The following GPC5 variants were observed in gnomAD, a reference collection of about 807,000 sequenced individuals.
GPC5 encodes the protein glypican 5.
GPC5 carries 47 observed loss-of-function variants against 53.9 expected under a neutral mutation model. The ratio of observed to expected loss-of-function variants is 0.87; its 90% CI spans 0.69 to 1.11. The LOEUF (loss-of-function observed/expected upper bound fraction) is 1.11. Ranked by LOEUF, GPC5 falls within the 50% of genes most tolerant of loss-of-function variation. The pLI, the probability that GPC5 is intolerant of heterozygous loss-of-function variation, is 0.00. For synonymous variants in GPC5, 286 were observed against 263.3 expected (o/e 1.09, Z -0.84); for missense variants, 748 against 713.1 (o/e 1.05, Z -0.56).
intron 3 of GPC5, among the ~76,000 whole-genome samples, chr13:91,708,356 G>A (rs1250209198): frequency 6.6e-6 from 1 of 151,968 alleles, no homozygotes; most frequent in Non-Finnish European, 1.5e-5. Context: ...CCAGAAAGCT[G>A]ATGCCACCTC....
intron 2 of GPC5, among the ~76,000 whole-genome samples, chr13:91,513,844 C>T (rs1194839944): frequency 6.6e-6 from 1 of 152,154 alleles, no homozygotes; most frequent in African/African-American, 2.4e-5. Flanking sequence ...CCTTGTAATT[C>T]CTGAAAAACA....
At chr13:91,647,402 C>T (rs1050221509) in intron 2 of GPC5, among the ~76,000 whole-genome samples, 3 of 152,142 alleles carry the variant, frequency 2.0e-5, no homozygotes, top group African/African-American at 7.2e-5. Context: ...TTTAATAGAA[C>T]CTTTTAGATT....
At chr13:92,557,353 GA>G (rs1882532125) in intron 7 of GPC5, among the ~76,000 whole-genome samples, 1 of 151,910 alleles carries the variant, frequency 6.6e-6, no homozygotes, top group South Asian at 2.1e-4. Flanking sequence ...AGGAGTTTGG[GA>G]GGAGCACTGG....
chr13:91,745,260 T>C (rs1191572429), intron 4 of GPC5, among the ~76,000 whole-genome samples: 1 of 152,060 alleles, frequency 6.6e-6, no homozygotes, highest in African/African-American at 2.4e-5. Context: ...TGTTTTTTTA[T>C]GGGGACATTA....
chr13:91,973,655 T>C (rs2040266732), intron 6 of GPC5, among the ~76,000 whole-genome samples: 1 of 152,172 alleles, frequency 6.6e-6, no homozygotes, highest in African/African-American at 2.4e-5. Context: ...GGTGTGGATG[T>C]CCTTTCTGTT....
intron 7 of GPC5, among the ~76,000 whole-genome samples, chr13:92,562,995 G>A (rs1276892947): frequency 6.6e-6 from 1 of 151,984 alleles, no homozygotes. Context: ...CAATAGTACT[G>A]TGTAACAGCA....
chr13:92,586,992 C>T (rs1883558878), intron 7 of GPC5, among the ~76,000 whole-genome samples: 1 of 151,918 alleles, frequency 6.6e-6, no homozygotes, highest in African/African-American at 2.4e-5. Context: ...ACACACACTA[C>T]ATACACAGGA....
intron 5 of GPC5, among the ~76,000 whole-genome samples, chr13:91,851,350 C>T (rs1379978646): frequency 6.6e-6 from 1 of 152,028 alleles, no homozygotes; most frequent in African/African-American, 2.4e-5. Context: ...TAGGGAACTC[C>T]ACCATGAGTG....
chr13:91,477,658 G>A (rs968390749), intron 2 of GPC5, among the ~76,000 whole-genome samples: 1 of 152,176 alleles, frequency 6.6e-6, no homozygotes, highest in African/African-American at 2.4e-5. Context: ...GGCTGCAGAT[G>A]GATTCCTAGT....
Position 92,663,846 on chromosome 13 carries a change from CACACACACACTATATATATA to C in GPC5, c.1562-202435_1562-202416del, listed in dbSNP as rs1886458197. 6.0e-4 allele frequency among the ~76,000 whole-genome samples: 69 copies of C among 115,718 alleles called. 1 individual carries two copies. Among genetic ancestry groups the C allele is most frequent in the African/African-American group, 2.3e-3 (67 of 28,938 alleles). The allele number at this position is 115,718 out of a possible 152,430, so 75.9% of individuals were successfully genotyped here. A position where few individuals can be genotyped will look rare whatever the true frequency, so the allele number is the denominator to read the frequency against. On this transcript the variant is annotated intron_variant, in intron 7 of 7. Transcript: ENST00000377067. ...TATATACACACACTATATATATATA[CACACACACACTATATATATA>C]TATATATATATATATATATATATAT...
chr13:91,610,325 T>G (rs1343351569), intron 2 of GPC5, among the ~76,000 whole-genome samples: 1 of 152,246 alleles, frequency 6.6e-6, no homozygotes, highest in Admixed American at 6.5e-5. Context: ...GTTTTATTAT[T>G]GTTTTTTGTT....
intron 7 of GPC5, among the ~76,000 whole-genome samples, chr13:92,558,186 A>G (rs1273955795): frequency 2.6e-5 from 4 of 152,032 alleles, no homozygotes; most frequent in Non-Finnish European, 5.9e-5. Flanking sequence ...TAAATCAAGC[A>G]TACAGGACTT....
At chr13:92,097,204 G>C (rs115667013) in intron 6 of GPC5, among the ~76,000 whole-genome samples, 7 of 152,154 alleles carry the variant, frequency 4.6e-5, no homozygotes, top group Non-Finnish European at 1.0e-4. Flanking sequence ...ACTGTTATGC[G>C]GAAAGGAGAA....
chr13:91,976,775 C>G (rs1355542936), intron 6 of GPC5, among the ~76,000 whole-genome samples: 5 of 152,162 alleles, frequency 3.3e-5, no homozygotes, highest in African/African-American at 1.2e-4. Context: ...CGCGGTGGCT[C>G]ACGCCTGTAA....
intron 2 of GPC5, among the ~76,000 whole-genome samples, chr13:91,472,269 TTAGA>T (rs1882679371): frequency 6.6e-6 from 1 of 152,164 alleles, no homozygotes; most frequent in Admixed American, 6.6e-5. Flanking sequence ...ACGGTCTTCT[TTAGA>T]TGGATGGGAT....
intron 7 of GPC5, among the ~76,000 whole-genome samples, chr13:92,714,129 G>T (rs1342469824): frequency 6.6e-6 from 1 of 152,166 alleles, no homozygotes; most frequent in Non-Finnish European, 1.5e-5. Flanking sequence ...TAGAGGGGAA[G>T]AAAATAGCTT....
At chr13:91,530,743 C>A (rs767227364) in intron 2 of GPC5, among the ~76,000 whole-genome samples, 13 of 152,158 alleles carry the variant, frequency 8.5e-5, no homozygotes, top group African/African-American at 2.9e-4. Context: ...ACCAAGGGAG[C>A]GAGATATTGG....
chr13:92,164,160 CT>C, intron 7 of GPC5, among the ~76,000 whole-genome samples: 1 of 152,260 alleles, frequency 6.6e-6, no homozygotes, highest in South Asian at 2.1e-4. Flanking sequence ...CATTCTGCCC[CT>C]GGCCCTTCCC....
intron 5 of GPC5, among the ~76,000 whole-genome samples, chr13:91,762,586 CTTT>C (rs35381702): frequency 2.8e-5 from 4 of 142,638 alleles, no homozygotes; most frequent in East Asian, 2.0e-4. Context: ...TTTTCTATTT[CTTT>C]TTTTTTTTTT....
Sources: allele counts gnomAD v4.1 joint callset (sites outside exome capture counted in the v4.1 genomes callset), GRCh38; gene constraint gnomAD v4.1.1; transcripts MANE v1.5; gene names NCBI Gene and HGNC (gene_info 2026-07-23, HGNC 2026-07-21).